Variants in SLC5A10 observed in about 807,000 individuals in gnomAD.
SLC5A10 encodes the protein solute carrier family 5 member 10.
Under a neutral mutation model 68.9 loss-of-function variants are expected in SLC5A10, and 55 were observed. The observed-to-expected ratio is 0.80, with a 90% CI of 0.64 to 1.00. The LOEUF (loss-of-function observed/expected upper bound fraction) is 1.00. SLC5A10 is among the 50% of genes least tolerant of loss of function. The pLI is 0.00. For synonymous variants in SLC5A10, 344 were observed against 344.8 expected, an observed-to-expected ratio of 1.00 and a Z score of 0.02; for missense variants, 732 against 819.3, an observed-to-expected ratio of 0.89 and a Z score of 1.30.
intron 9 of SLC5A10, among the ~76,000 whole-genome samples, chr17:18,991,918 T>C (rs2152132954): frequency 6.6e-6 from 1 of 152,062 alleles, no homozygotes; most frequent in South Asian, 2.1e-4. Context: ...CCTGCCAGGG[T>C]GTGGGAGGAT....
In SLC5A10 at chr17:18,987,294, C is replaced by G. The variant is rs919859500; in HGVS notation, c.982+10305C>G. 2.0e-5 allele frequency among the ~76,000 whole-genome samples: 3 copies of G among 152,184 alleles called. No individual in the cohort carries two copies. The East Asian group carries it at 5.8e-4, about 29-fold the overall frequency. Reference sequence around the variant, plus strand: ...GTGACATGGGGTATGTGGCTCCATTCCCTCATCTGCAAAATGGGAACAACT... The same window carrying G: ...GTGACATGGGGTATGTGGCTCCATTGCCTCATCTGCAAAATGGGAACAACT... On this transcript the variant is annotated intron_variant, in intron 9 of 14. Coordinates refer to ENST00000395645, the MANE Select transcript of SLC5A10 (RefSeq NM_001042450.4).
At position 18,996,138 on chromosome 17, in the gene SLC5A10, A is replaced by AAG. The variant is rs1333945927; in HGVS notation, c.983-17271_983-17270insGA. ...CAATATCTTTAAAGTACTAAATGGA[A>AAG]AAAAAAAAAAATCAACTTAGAATTT... On this transcript the variant is annotated intron_variant, in intron 9 of 14. Coordinates refer to ENST00000395645, the MANE Select transcript of SLC5A10 (RefSeq NM_001042450.4). The surrounding 1 kb of genome is among the most constrained non-coding windows in gnomAD (Gnocchi z 4.4). Among the ~76,000 whole-genome samples, 1 of 146,920 alleles carries AAG rather than the reference A, an allele frequency of 6.8e-6. No homozygotes were observed. The highest frequency in any genetic ancestry group is 1.5e-5 in the Non-Finnish European group (1 of 67,114).
chr17:18,955,796 G>T (rs1351360764), intron 1 of SLC5A10, among the ~76,000 whole-genome samples: 4 of 152,254 alleles, frequency 2.6e-5, no homozygotes, highest in Non-Finnish European at 5.9e-5. Flanking sequence ...GGGTGTGGTG[G>T]TGTCCACGTG....
At chr17:19,013,598 TGCCACTC>T (rs199970160) in intron 10 of SLC5A10, 81 bp downstream of exon 10, 21,479 of 529,270 alleles carry the variant, frequency 0.041, 8,843 homozygotes, top group Middle Eastern at 0.079. Context: ...CTGTGGAGGC[TGCCACTC>T]ACTGGCCAAG....
At chr17:19,013,743 G>A (rs1163390414) in intron 10 of SLC5A10, among the ~76,000 whole-genome samples, 1 of 151,216 alleles carries the variant, frequency 6.6e-6, no homozygotes, top group Non-Finnish European at 1.5e-5. Context: ...GGAAAATGCT[G>A]GGTGCAGGCT....
chr17:18,967,375 G>T (rs541384563), intron 5 of SLC5A10, among the ~76,000 whole-genome samples: 2 of 152,198 alleles, frequency 1.3e-5, no homozygotes, highest in African/African-American at 4.8e-5. Context: ...AGGAGGGAGG[G>T]CGAATGAACA....
In SLC5A10 at chr17:19,004,757, G is replaced by T; in HGVS notation, c.983-8653G>T. 6.7e-6 allele frequency: 1 copy of T among 150,260 alleles called. No individual in the cohort carries two copies. The highest frequency in any genetic ancestry group is 1.9e-4 in the South Asian group (1 of 5,154). 9.3% of individuals were successfully genotyped at this position (150,260 alleles called of 1,614,324 possible). On this transcript the variant is annotated intron_variant, in intron 9 of 14. Coordinates refer to ENST00000395645, the MANE Select transcript of SLC5A10 (RefSeq NM_001042450.4). This position sits in a 1 kb window ranked among gnomAD's most constrained non-coding sequence, Gnocchi z 5.4. ...GCGCACACGCGGCGGCTGCGGCGGCGGCGCGAGGCTGGGCGGGGGCGCGCC... is the reference window on the plus strand; with the variant it reads ...GCGCACACGCGGCGGCTGCGGCGGCTGCGCGAGGCTGGGCGGGGGCGCGCC...
intron 9 of SLC5A10, chr17:18,988,232 G>A: frequency 6.2e-7 from 1 of 1,603,176 alleles, no homozygotes; most frequent in Non-Finnish European, 8.5e-7. Flanking sequence ...CCAGGCAAGT[G>A]AGGAGCCTGC....
At chr17:18,965,010 G>GAC (rs1327929204) in intron 5 of SLC5A10, among the ~76,000 whole-genome samples, 1 of 151,788 alleles carries the variant, frequency 6.6e-6, no homozygotes, top group African/African-American at 2.4e-5. Context: ...CAGGCGTGGT[G>GAC]ACACACACCT....
rs764409683 is a variant in SLC5A10 at position 19,015,082 on chromosome 17, C to G, written c.1124C>G (p.Ala375Gly). 1.2e-6 allele frequency: 2 copies of G among 1,613,756 alleles called. No homozygotes were observed. The highest frequency in any genetic ancestry group is 1.3e-5 in the African/African-American group (1 of 75,018). Residue 375 changes from alanine to glycine, a missense_variant, in exon 11 of 15, where the codon GCG becomes GGG. Physicochemically the swap from Ala to Gly is moderately conservative, Grantham distance 60. Transcript: ENST00000395645. ...LRGLMIAVML[A>G]ALMSSLTSIF... ...GGGCTGATGATCGCAGTGATGCTGGCGGCGCTCATGTCGTCGCTGACCTCC... is the reference window on the plus strand; with the variant it reads ...GGGCTGATGATCGCAGTGATGCTGGGGGCGCTCATGTCGTCGCTGACCTCC...
chr17:18,960,528 C>T lies in SLC5A10; in HGVS notation c.349-20C>T. 3 of 1,610,952 alleles carry T rather than the reference C, an allele frequency of 1.9e-6. No individual in the cohort carries two copies. Among genetic ancestry groups the T allele is most frequent in the African/African-American group, 2.7e-5 (2 of 74,976 alleles). On this transcript the variant is annotated intron_variant, in intron 4 of 14. Coordinates refer to ENST00000395645, the MANE Select transcript of SLC5A10 (RefSeq NM_001042450.4). Reference sequence around the variant, plus strand: ...GCATCATCTGGAGGATGCTTAGCCCCTACCCATGTGCCTTCCCAGATCGTC... The same window carrying T: ...GCATCATCTGGAGGATGCTTAGCCCTTACCCATGTGCCTTCCCAGATCGTC...
chr17:18,979,666 C>G lies in SLC5A10; in HGVS notation c.982+2677C>G, dbSNP rs200238363. ...CTCAGTTCCCCCGCTGCTCCGCACTCTGAGATTCTGTTTTGGGAACCAAGA... is the reference window on the plus strand; with the variant it reads ...CTCAGTTCCCCCGCTGCTCCGCACTGTGAGATTCTGTTTTGGGAACCAAGA... On this transcript the variant is annotated intron_variant, in intron 9 of 14. Transcript: ENST00000395645. 80 of 1,613,260 alleles carry G rather than the reference C, an allele frequency of 5.0e-5. No individual in the cohort carries two copies. The highest frequency in any genetic ancestry group is 6.4e-5 in the Non-Finnish European group (76 of 1,179,978).
chr17:19,003,415 A>G lies in SLC5A10; in HGVS notation c.983-9995A>G, dbSNP rs2043784097. 8.1e-7 allele frequency: 1 copy of G among 1,235,640 alleles called. No individual in the cohort carries two copies. The highest frequency in any genetic ancestry group is 1.1e-6 in the Non-Finnish European group (1 of 932,442). 76.5% of individuals were successfully genotyped at this position (1,235,640 alleles called of 1,614,324 possible). A position where few individuals can be genotyped will look rare whatever the true frequency, so the allele number is the denominator to read the frequency against. On this transcript the variant is annotated intron_variant, in intron 9 of 14. Coordinates refer to ENST00000395645, the MANE Select transcript of SLC5A10 (RefSeq NM_001042450.4). This position sits in a 1 kb window ranked among gnomAD's most constrained non-coding sequence, Gnocchi z 4.5. ...GCCAGGGAAAACAGCAGAGATCCCT[A>G]GAAGCCCATGTTGGGCTCCCGTTTT... is the stretch of plus-strand genomic sequence containing the variant.
At position 18,958,673 on chromosome 17, in the gene SLC5A10, C is replaced by T; in HGVS notation, c.112-9C>T. On this transcript the variant is annotated splice_polypyrimidine_tract_variant and intron_variant, in intron 1 of 14. Coordinates refer to ENST00000395645, the MANE Select transcript of SLC5A10 (RefSeq NM_001042450.4). The stretch of plus-strand genomic sequence containing the variant: ...GCTTCCAACTCCTGTCCCTTTTCTC[C>T]TCTTGCAGTCCTCTTGTCGGGCCAG... The T allele has an allele frequency of 1.9e-6, 3 of 1,614,148 alleles. No homozygotes were observed. Among genetic ancestry groups the T allele is most frequent in the South Asian group, 2.2e-5 (2 of 91,084 alleles).
chr17:18,972,925 C>G (rs1033709820), intron 8 of SLC5A10, among the ~76,000 whole-genome samples: 7 of 152,016 alleles, frequency 4.6e-5, no homozygotes, highest in African/African-American at 1.4e-4. Context: ...CTCTGGAAGG[C>G]TGGGCCTCAG....
intron 9 of SLC5A10, among the ~76,000 whole-genome samples, chr17:18,992,876 G>A (rs1275110191): frequency 1.3e-5 from 2 of 152,156 alleles, no homozygotes; most frequent in African/African-American, 4.8e-5. Context: ...GCTGGTGGCC[G>A]CCCTCTCCCT....
At chr17:19,020,103 CCCCACCCT>C in intron 13 of SLC5A10, 44 bp from the exon 14 acceptor site, 1 of 1,040,828 alleles carries the variant, frequency 9.6e-7, no homozygotes, top group Non-Finnish European at 1.5e-6. Flanking sequence ...TCTGGGTCAC[CCCCACCCT>C]GCCATCCCCC....
Position 18,968,810 on chromosome 17 carries a change from C to G in SLC5A10, c.454-242C>G. On this transcript the variant is annotated intron_variant, in intron 5 of 14. Transcript: ENST00000395645. This position sits in a 1 kb window ranked among gnomAD's most constrained non-coding sequence, Gnocchi z 4.1. Reference sequence around the variant, plus strand: ...CTGCTTTTGGGAAAGGCATTGGCCACTTTGGACTTTATTAGCAACAGTAAT... The same window carrying G: ...CTGCTTTTGGGAAAGGCATTGGCCAGTTTGGACTTTATTAGCAACAGTAAT... 1 of 527,822 alleles carries G rather than the reference C, an allele frequency of 1.9e-6. No homozygotes were observed. The highest frequency in any genetic ancestry group is 3.4e-6 in the Non-Finnish European group (1 of 298,344). The allele number at this position is 527,822 out of a possible 1,614,324, so 32.7% of individuals were successfully genotyped here. A position where few individuals can be genotyped will look rare whatever the true frequency, so the allele number is the denominator to read the frequency against.
chr17:18,977,620 C>T, intron 9 of SLC5A10: 1 of 1,609,578 alleles, frequency 6.2e-7, no homozygotes, highest in Non-Finnish European at 8.5e-7. Flanking sequence ...GGGCCTGCAT[C>T]CTCTTCAACG....
Sources: allele counts gnomAD v4.1 joint callset (sites outside exome capture counted in the v4.1 genomes callset), GRCh38; gene constraint gnomAD v4.1.1; non-coding constraint Gnocchi (gnomAD v3.1); transcripts MANE v1.5; gene names NCBI Gene and HGNC (gene_info 2026-07-23, HGNC 2026-07-21).